ME1: variants seen among roughly 807,000 people sequenced by gnomAD.
ME1 encodes malic enzyme 1, also known as NADP-dependent malic enzyme.
In ME1, 74 loss-of-function variants were observed where a neutral mutation model predicts 66.4. That is an observed-to-expected ratio of 1.11 (90% CI 0.92 to 1.35). The LOEUF is 1.35. Among genes scored for constraint, ME1 ranks in the 40% most tolerant of loss-of-function variants. The probability of loss-of-function intolerance (pLI) is 0.00; values close to 1 mark genes in which losing one functional copy is unlikely to be tolerated. For synonymous variants in ME1, 251 were observed against 235.6 expected (o/e 1.07, Z -0.60); for missense variants, 750 against 694.1 (o/e 1.08, Z -0.90).
intron 3 of ME1, among the ~76,000 whole-genome samples, chr6:83,379,362 T>C (rs1769351880): frequency 6.6e-6 from 1 of 152,108 alleles, no homozygotes; most frequent in South Asian, 2.1e-4. Flanking sequence ...GGGTGAGGAC[T>C]TTCTTGAGAA....
chr6:83,361,188 AG>A (rs1769001364), intron 3 of ME1, among the ~76,000 whole-genome samples: 1 of 152,368 alleles, frequency 6.6e-6, no homozygotes, highest in South Asian at 2.1e-4. Context: ...TGCGTGCCAG[AG>A]GATGGGAAAT....
chr6:83,321,676 A>G (rs918233525), intron 5 of ME1, among the ~76,000 whole-genome samples: 6 of 152,200 alleles, frequency 3.9e-5, no homozygotes, highest in African/African-American at 1.2e-4. Flanking sequence ...TAAAACTCCT[A>G]TCTCCCTGGG....
intron 5 of ME1, among the ~76,000 whole-genome samples, chr6:83,317,577 G>C (rs1768058740): frequency 6.6e-6 from 1 of 151,538 alleles, no homozygotes; most frequent in East Asian, 1.9e-4. Flanking sequence ...GAGACAATGG[G>C]GTTTTCTAGA....
chr6:83,377,171 G>A (rs1469007171), intron 3 of ME1, among the ~76,000 whole-genome samples: 1 of 152,144 alleles, frequency 6.6e-6, no homozygotes, highest in Non-Finnish European at 1.5e-5. Context: ...GACTTTTGGA[G>A]ACAGTTTTCA....
In ME1 at chr6:83,324,716, C is replaced by CAAAA. The variant is rs55866196; in HGVS notation, c.601-9307_601-9304dup. ...TGGTATTAATTAATAGCCTACCAACCAAAAAAAAAAAAAAAAAAAAAAAAG... is the reference window on the plus strand; with the variant it reads ...TGGTATTAATTAATAGCCTACCAACCAAAAAAAAAAAAAAAAAAAAAAAAAAAAG... On this transcript the variant is annotated intron_variant, in intron 5 of 13. Transcript: ENST00000369705. Among the ~76,000 whole-genome samples, 487 of 49,270 alleles carry CAAAA rather than the reference C, an allele frequency of 9.9e-3. 40 individuals carry two copies. Among genetic ancestry groups the CAAAA allele is most frequent in the African/African-American group, 0.03 (385 of 12,976 alleles). The allele number at this position is 49,270 out of a possible 152,430, so 32.3% of individuals were successfully genotyped here. A position where few individuals can be genotyped will look rare whatever the true frequency, so the allele number is the denominator to read the frequency against.
chr6:83,263,794 AT>A (rs1766939778), intron 6 of ME1, among the ~76,000 whole-genome samples: 2 of 146,480 alleles, frequency 1.4e-5, no homozygotes, highest in African/African-American at 5.1e-5. Flanking sequence ...ATAACATAAC[AT>A]AACATAACAT....
intron 6 of ME1, among the ~76,000 whole-genome samples, chr6:83,258,438 G>C (rs1333033801): frequency 1.3e-5 from 2 of 152,132 alleles, no homozygotes; most frequent in East Asian, 3.9e-4. Context: ...GGAACACTGA[G>C]AAGTTAGCCA....
At chr6:83,348,202 T>G (rs1365686918) in intron 4 of ME1, among the ~76,000 whole-genome samples, 1 of 152,198 alleles carries the variant, frequency 6.6e-6, no homozygotes, top group African/African-American at 2.4e-5. Flanking sequence ...CTGGGTTAAC[T>G]TAGCCCTGAT....
At chr6:83,340,809 T>C (rs1312686525) in intron 5 of ME1, among the ~76,000 whole-genome samples, 1 of 152,148 alleles carries the variant, frequency 6.6e-6, no homozygotes, top group Non-Finnish European at 1.5e-5. Flanking sequence ...CCTTAAAAGG[T>C]TGATGATCAA....
chr6:83,395,734 A>C (rs776451254), intron 3 of ME1, among the ~76,000 whole-genome samples: 2 of 151,970 alleles, frequency 1.3e-5, no homozygotes, highest in African/African-American at 4.8e-5. Flanking sequence ...TCAGCCTCCC[A>C]AAGTGCTGGG....
intron 1 of ME1, among the ~76,000 whole-genome samples, chr6:83,415,602 G>A (rs551498499): frequency 3.9e-5 from 6 of 152,162 alleles, no homozygotes; most frequent in African/African-American, 9.6e-5. Flanking sequence ...CCAAATCACC[G>A]AATTCAAATT....
At position 83,243,674 on chromosome 6, in the gene ME1, G is replaced by A. The variant is rs1376405314; in HGVS notation, c.815-4038C>T. Among the ~76,000 whole-genome samples the A allele has an allele frequency of 1.6e-5, 2 of 122,320 alleles. 1 individual carries two copies. The highest frequency in any genetic ancestry group is 3.2e-5 in the Non-Finnish European group (2 of 62,574). The allele number at this position is 122,320 out of a possible 152,430, so 80.2% of individuals were successfully genotyped here. The stretch of plus-strand genomic sequence containing the variant: ...TAATCTATTATAATTACATTATATC[G>A]ATATAATCTATTATAATTATATTAT... On this transcript the variant is annotated intron_variant, in intron 7 of 13. Coordinates refer to ENST00000369705, the MANE Select transcript of ME1 (RefSeq NM_002395.6).
chr6:83,365,491 G>T (rs1290379571), intron 3 of ME1, among the ~76,000 whole-genome samples: 5 of 152,198 alleles, frequency 3.3e-5, no homozygotes, highest in Admixed American at 3.3e-4. Context: ...GCAGAGAGGG[G>T]TGCAGCTTGA....
intron 9 of ME1, among the ~76,000 whole-genome samples, chr6:83,232,512 C>T (rs1363856368): frequency 6.6e-6 from 1 of 152,156 alleles, no homozygotes; most frequent in Non-Finnish European, 1.5e-5. Flanking sequence ...TTCTAAGACT[C>T]ATGCATATAA....
In ME1 at chr6:83,223,896, G is replaced by A. The variant is rs1330237037; in HGVS notation, c.1313C>T (p.Pro438Leu). Residue 438 changes from proline (P) to leucine (L), a missense_variant, in exon 12 of 14, where the codon CCA becomes CTA. Transcript: ENST00000369705. ...GGTCTGTCCATTTGGAAGAGTGACTGGATCAAAAGGACTGCCACTGGCAAA... is the reference window on the plus strand; with the variant it reads ...GGTCTGTCCATTTGGAAGAGTGACTAGATCAAAAGGACTGCCACTGGCAAA... The part of the protein sequence containing the change: ...AIFASGSPFD[P>L]VTLPNGQTLY... The A allele has an allele frequency of 6.2e-7, 1 of 1,613,938 alleles. No homozygotes were observed. The highest frequency in any genetic ancestry group is 1.7e-5 in the Admixed American group (1 of 60,002).
At chr6:83,370,015 T>C (rs983514681) in intron 3 of ME1, among the ~76,000 whole-genome samples, 1 of 152,146 alleles carries the variant, frequency 6.6e-6, no homozygotes, top group African/African-American at 2.4e-5. Context: ...AAAAAGATAA[T>C]AGTTCTTAAA....
intron 5 of ME1, among the ~76,000 whole-genome samples, chr6:83,323,520 AC>A (rs1289016174): frequency 2.0e-5 from 3 of 151,144 alleles, no homozygotes; most frequent in African/African-American, 4.9e-5. Flanking sequence ...CAAAAAAAAA[AC>A]CCCAGAGGTT....
At chr6:83,237,470 T>G (rs1361484136) in intron 9 of ME1, among the ~76,000 whole-genome samples, 2 of 151,972 alleles carry the variant, frequency 1.3e-5, no homozygotes, top group Admixed American at 1.3e-4. Context: ...ACTAAACTAA[T>G]TCAAATGGAC....
intron 6 of ME1, among the ~76,000 whole-genome samples, chr6:83,267,187 T>C (rs900979347): frequency 2.0e-5 from 3 of 152,068 alleles, no homozygotes; most frequent in Admixed American, 2.0e-4. Context: ...CTGAGAAATA[T>C]AAAACAACAC....
Sources: allele counts gnomAD v4.1 joint callset (sites outside exome capture counted in the v4.1 genomes callset), GRCh38; gene constraint gnomAD v4.1.1; transcripts MANE v1.5; gene names NCBI Gene and HGNC (gene_info 2026-07-23, HGNC 2026-07-21).